GLI3: variants seen among roughly 807,000 people sequenced by gnomAD.
The protein encoded by GLI3 is GLI family zinc finger 3.
GLI3 carries 20 observed loss-of-function variants against 100.8 expected under a neutral mutation model. That is an observed-to-expected ratio of 0.20 (90% CI 0.14 to 0.29). The LOEUF is 0.29. Among genes scored for constraint, GLI3 ranks in the 10% least tolerant of loss-of-function variants. GLI3 has a pLI of 1.00. For synonymous variants in GLI3, 938 were observed against 860.5 expected (o/e 1.09, Z -1.58); for missense variants, 2,040 against 2,128.5 (o/e 0.96, Z 0.82).
intron 2 of GLI3, among the ~76,000 whole-genome samples, chr7:42,158,085 C>T (rs1323162798): frequency 1.3e-5 from 2 of 152,038 alleles, no homozygotes; most frequent in Non-Finnish European, 2.9e-5. Context: ...TCAAAAATAC[C>T]CTAAGGTCCC....
At chr7:42,219,468 G>A (rs929424813) in intron 2 of GLI3, among the ~76,000 whole-genome samples, 24 of 151,020 alleles carry the variant, frequency 1.6e-4, no homozygotes, top group Admixed American at 1.2e-3. Flanking sequence ...TTTTTCACTT[G>A]CATTATTTTA....
rs753375220 is a variant in GLI3, at chr7:41,966,241, G to C, written c.2832C>G (p.Pro944=). Residue 944 remains proline, a synonymous_variant, in exon 15 of 15, where the codon CCC becomes CCG. Transcript: ENST00000395925. The surrounding 1 kb of genome is among the most constrained non-coding windows in gnomAD (Gnocchi z 5.8). ...AAATGGPPPT[P]LPNMERMSLK... ...GGCTCATCCTCTCCATGTTGGGCAG[G>C]GGCGTCGGCGGCGGCCCTCCTGTGG... 7 of 1,608,426 alleles carry C rather than the reference G, an allele frequency of 4.4e-6. No homozygotes were observed.
intron 2 of GLI3, among the ~76,000 whole-genome samples, chr7:42,180,224 T>G (rs923584307): frequency 6.6e-6 from 1 of 152,198 alleles, no homozygotes; most frequent in East Asian, 1.9e-4. Context: ...AAGACCCCTG[T>G]CATCATGTCA....
At chr7:42,170,638 G>T (rs556264880) in intron 2 of GLI3, among the ~76,000 whole-genome samples, 1 of 152,004 alleles carries the variant, frequency 6.6e-6, no homozygotes, top group South Asian at 2.1e-4. Context: ...TCCTGACCTC[G>T]TGATCCACCC....
chr7:42,245,541 C>T (rs1197615158), intron 1 of GLI3, among the ~76,000 whole-genome samples: 1 of 151,962 alleles, frequency 6.6e-6, no homozygotes, highest in East Asian at 1.9e-4. Context: ...ATTAGCCAGG[C>T]TTGGTGGCAA....
In GLI3 at chr7:41,965,727, G is replaced by A. The variant is rs761143091; in HGVS notation, c.3346C>T (p.Leu1116Phe). 13 of 1,613,598 alleles carry A rather than the reference G, an allele frequency of 8.1e-6. No individual in the cohort carries two copies. Among genetic ancestry groups the A allele is most frequent in the Admixed American group, 3.3e-5 (2 of 60,008 alleles). ...AGYEQHFPSALPDDSKVPHGP... is the reference protein window; with the variant it reads ...AGYEQHFPSAFPDDSKVPHGP... The stretch of plus-strand genomic sequence containing the variant: ...TGGGGCACTTTGCTGTCGTCCGGGA[G>A]GGCGCTGGGGAAGTGCTGCTCGTAC... Residue 1116 changes from leucine (L) to phenylalanine (F), a missense_variant, in exon 15 of 15, where the codon CTC becomes TTC. Leu to Phe is a conservative substitution (Grantham distance 22, BLOSUM62 0). This residue lies in a region of GLI3 where 1,041 missense variants were observed against 924.0 expected (regional missense o/e 1.13). Transcript: ENST00000395925.
At chr7:42,210,339 C>T (rs1414545383) in intron 2 of GLI3, among the ~76,000 whole-genome samples, 3 of 6,884 alleles carry the variant, frequency 4.4e-4, no homozygotes, top group African/African-American at 6.0e-4. Flanking sequence ...AAAATGAAAG[C>T]CCCCCCCCCC....
At chr7:41,986,870 C>T (rs1262777191) in intron 10 of GLI3, among the ~76,000 whole-genome samples, 1 of 150,486 alleles carries the variant, frequency 6.6e-6, no homozygotes, top group African/African-American at 2.5e-5. Context: ...CCCACGCCTC[C>T]AAAGAAAAAC....
chr7:42,047,587 G>A (rs1312203970), intron 5 of GLI3, among the ~76,000 whole-genome samples: 5 of 152,270 alleles, frequency 3.3e-5, no homozygotes, highest in East Asian at 1.9e-4. Flanking sequence ...CTATGTGTGC[G>A]TGATATGGAA....
chr7:42,145,842 A>T (rs1426331487), intron 3 of GLI3, among the ~76,000 whole-genome samples: 1 of 152,182 alleles, frequency 6.6e-6, no homozygotes, highest in African/African-American at 2.4e-5. Flanking sequence ...ATTTTAGTTA[A>T]TACTTTATTT....
chr7:42,217,175 G>C (rs1234772306), intron 2 of GLI3, among the ~76,000 whole-genome samples: 2 of 152,176 alleles, frequency 1.3e-5, no homozygotes, highest in East Asian at 3.9e-4. Flanking sequence ...GGCCTGAAGA[G>C]ACACACGAGC....
chr7:42,257,912 G>T (rs995882615), intron 1 of GLI3, among the ~76,000 whole-genome samples: 1 of 152,128 alleles, frequency 6.6e-6, no homozygotes, highest in South Asian at 2.1e-4. Flanking sequence ...ACTTGGTCAT[G>T]GTGTAGAATT....
At chr7:42,055,193 A>G (rs78354809) in intron 4 of GLI3, among the ~76,000 whole-genome samples, 3,116 of 151,786 alleles carry the variant, frequency 0.021, 107 homozygotes, top group African/African-American at 0.071. Context: ...CAAGAGTAAA[A>G]CAGTAGACAC....
intron 3 of GLI3, among the ~76,000 whole-genome samples, chr7:42,082,474 T>A (rs1785016571): frequency 6.6e-6 from 1 of 151,982 alleles, no homozygotes; most frequent in South Asian, 2.1e-4. Flanking sequence ...AGCAACGTGT[T>A]TTGAGCAAGA....
At chr7:42,221,650 C>T (rs1199193643) in intron 2 of GLI3, among the ~76,000 whole-genome samples, 57 of 152,038 alleles carry the variant, frequency 3.7e-4, no homozygotes, top group Admixed American at 3.5e-3. Flanking sequence ...GCATTTATTC[C>T]GACAGAATTA....
rs1374017405 is a variant in GLI3 at position 42,148,327 on chromosome 7, T to G, written c.266A>C (p.Glu89Ala). 2 of 1,613,666 alleles carry G rather than the reference T, an allele frequency of 1.2e-6. No individual in the cohort carries two copies. The highest frequency in any genetic ancestry group is 1.7e-6 in the Non-Finnish European group (2 of 1,179,860). ...CACGTGTGGCAGGGACCCATGGATC[T>G]CTTTCTTGATCAATGAGGCCCTCTC... The part of the protein sequence containing the change: ...SDERASLIKK[E>A]IHGSLPHVAE... Residue 89 changes from glutamate (E) to alanine (A), a missense_variant, in exon 3 of 15, where the codon GAG becomes GCG. Around this residue, in one of 5 missense-constraint regions of GLI3, gnomAD observed 603 missense variants for 690.9 expected, o/e 0.87. Transcript: ENST00000395925.
At chr7:42,262,383 C>T (rs1004431964) in intron 1 of GLI3, among the ~76,000 whole-genome samples, 1 of 151,972 alleles carries the variant, frequency 6.6e-6, no homozygotes, top group Non-Finnish European at 1.5e-5. Flanking sequence ...CCTCAGGCTC[C>T]CAAGTAGCTG....
chr7:42,053,145 G>A (rs1426544829), intron 4 of GLI3, among the ~76,000 whole-genome samples: 5 of 152,158 alleles, frequency 3.3e-5, no homozygotes, highest in African/African-American at 4.8e-5. Context: ...ACAGGCATGT[G>A]CCACCATGCC....
rs1274670598 is a variant in GLI3 at position 42,068,339 on chromosome 7, T to C, written c.473+8413A>G. On this transcript the variant is annotated intron_variant, in intron 4 of 14. Coordinates refer to ENST00000395925, the MANE Select transcript of GLI3 (RefSeq NM_000168.6). ...GCCCATTTCTGCTCTGGTCTGCCTT[T>C]TGCAAAGTCCACATCAAAACTAAAA... 4.6e-5 allele frequency among the ~76,000 whole-genome samples: 7 copies of C among 152,360 alleles called. No homozygotes were observed. The South Asian group carries it at 1.2e-3, about 27-fold the overall frequency.
Sources: gnomAD v4.1 joint callset for allele counts (sites outside exome capture counted in the v4.1 genomes callset) on GRCh38, gnomAD v4.1.1 for gene constraint, gnomAD v4.1.1 regional missense constraint, Gnocchi (gnomAD v3.1) non-coding constraint, MANE v1.5 for transcripts, NCBI Gene and HGNC (gene_info 2026-07-23, HGNC 2026-07-21) for gene names.